The following RBFOX1 variants were observed in gnomAD, a reference collection of about 807,000 sequenced individuals.
RBFOX1 encodes the protein RNA binding protein fox-1 homolog 1.
A neutral mutation model predicts 57.7 loss-of-function variants in RBFOX1; 8 were observed. The observed-to-expected ratio is 0.14, with a 90% CI of 0.08 to 0.25. The LOEUF (loss-of-function observed/expected upper bound fraction) is 0.25. Among genes scored for constraint, RBFOX1 ranks in the 10% least tolerant of loss-of-function variants. The pLI is 1.00. For missense variants in RBFOX1, 611 were observed against 548.5 expected (o/e 1.11, Z -1.14); for synonymous variants, 326 against 222.4 (o/e 1.47, Z -4.15).
At position 7,348,690 on chromosome 16, in the gene RBFOX1, C is replaced by CT. The variant is rs1439239958; in HGVS notation, c.28-169457_28-169456insT. Among the ~76,000 whole-genome samples the CT allele has an allele frequency of 2.0e-5, 3 of 152,292 alleles. No individual in the cohort carries two copies. The East Asian group carries it at 5.8e-4, about 29-fold the overall frequency. On this transcript the variant is annotated intron_variant, in intron 4 of 15. Coordinates refer to ENST00000550418, the MANE Select transcript of RBFOX1 (RefSeq NM_018723.4). Reference sequence around the variant, plus strand: ...GTTGCCGTGGCTCACGCCTAGAATCCCAGCACTTTGGGAGGCTGAGGATGG... The same window carrying CT: ...GTTGCCGTGGCTCACGCCTAGAATCCTCAGCACTTTGGGAGGCTGAGGATGG...
chr16:5,761,641 T>C (rs1412357381), intron 3 of RBFOX1, among the ~76,000 whole-genome samples: 1 of 152,062 alleles, frequency 6.6e-6, no homozygotes, highest in Non-Finnish European at 1.5e-5. Context: ...AACATGAGGG[T>C]AACTGCCCCC....
intron 3 of RBFOX1, among the ~76,000 whole-genome samples, chr16:6,887,809 C>T (rs561362791): frequency 1.6e-4 from 24 of 152,090 alleles, no homozygotes; most frequent in Middle Eastern, 3.4e-3. Context: ...TTTACAGGCA[C>T]TCGTCACCAC....
Position 5,902,065 on chromosome 16 carries a change from C to T in RBFOX1, c.351+34730C>T, listed in dbSNP as rs187587432. On this transcript the variant is annotated intron_variant, in intron 4 of 19. Transcript: ENST00000641259. Reference sequence around the variant, plus strand: ...CGTGGATGGGGTTCAATGCATGTTTCTTGAATGAATTAATCATATTCCCTC... The same window carrying T: ...CGTGGATGGGGTTCAATGCATGTTTTTTGAATGAATTAATCATATTCCCTC... Among the ~76,000 whole-genome samples, 905 of 152,302 alleles carry T rather than the reference C, an allele frequency of 5.9e-3. 12 individuals are homozygous for T. The highest frequency in any genetic ancestry group is 0.021 in the African/African-American group (868 of 41,560).
At chr16:6,570,381 C>G (rs2097328436) in intron 2 of RBFOX1, among the ~76,000 whole-genome samples, 1 of 151,958 alleles carries the variant, frequency 6.6e-6, no homozygotes, top group Admixed American at 6.6e-5. Context: ...TAAGTAAAAT[C>G]GAGAATTTTT....
At chr16:5,591,031 T>C (rs947154954) in intron 2 of RBFOX1, among the ~76,000 whole-genome samples, 32 of 152,076 alleles carry the variant, frequency 2.1e-4, no homozygotes, top group African/African-American at 5.5e-4. Flanking sequence ...TTTTTTTTTT[T>C]CGGAAAATGG....
intron 5 of RBFOX1, among the ~76,000 whole-genome samples, chr16:7,523,615 G>A (rs532218394): frequency 2.2e-4 from 34 of 152,296 alleles, no homozygotes; most frequent in African/African-American, 7.9e-4. Context: ...TTAGAGGTAG[G>A]ATTTTAAAGG....
intron 4 of RBFOX1, among the ~76,000 whole-genome samples, chr16:7,122,386 T>C (rs1025275497): frequency 6.6e-6 from 1 of 152,076 alleles, no homozygotes; most frequent in Non-Finnish European, 1.5e-5. Flanking sequence ...TCCTTTCTTA[T>C]TGGGTCCTGA....
chr16:6,980,792 C>G (rs544317548), intron 3 of RBFOX1, among the ~76,000 whole-genome samples: 1 of 152,196 alleles, frequency 6.6e-6, no homozygotes, highest in Non-Finnish European at 1.5e-5. Context: ...CCTGTAATCC[C>G]AGCACTTTGG....
intron 4 of RBFOX1, among the ~76,000 whole-genome samples, chr16:7,363,392 C>T (rs12927837): frequency 0.14 from 21,374 of 152,086 alleles, 2,025 homozygotes; most frequent in African/African-American, 0.27. Flanking sequence ...AATTGCATTA[C>T]CTTGCCATGA....
At chr16:6,979,935 T>G (rs148875920) in intron 3 of RBFOX1, among the ~76,000 whole-genome samples, 59 of 152,272 alleles carry the variant, frequency 3.9e-4, no homozygotes, top group African/African-American at 1.3e-3. Flanking sequence ...TGCCAGTTTC[T>G]GAGAGGTCTC....
At chr16:6,751,967 C>G (rs1267155751) in intron 3 of RBFOX1, among the ~76,000 whole-genome samples, 1 of 152,088 alleles carries the variant, frequency 6.6e-6, no homozygotes, top group East Asian at 1.9e-4. Context: ...ATTTTATGTC[C>G]TTGCCCTCAA....
intron 14 of RBFOX1, among the ~76,000 whole-genome samples, chr16:7,689,006 A>G (rs963591186): frequency 2.0e-5 from 3 of 152,098 alleles, no homozygotes; most frequent in Admixed American, 6.6e-5. Flanking sequence ...AACTGTGTTC[A>G]GGTTTCACCT....
intron 2 of RBFOX1, among the ~76,000 whole-genome samples, chr16:6,441,395 G>GT (rs915651175): frequency 8.6e-5 from 13 of 151,882 alleles, no homozygotes; most frequent in South Asian, 2.1e-4. Flanking sequence ...TTATTTTCTT[G>GT]TTTTTTTGTT....
chr16:5,277,867 G>T (rs112904707), intron 1 of RBFOX1, among the ~76,000 whole-genome samples: 3 of 151,998 alleles, frequency 2.0e-5, no homozygotes, highest in Non-Finnish European at 4.4e-5. Context: ...TCTATTGTGC[G>T]TATATTCCCA....
chr16:5,248,901 T>C (rs2062372229), intron 1 of RBFOX1, among the ~76,000 whole-genome samples: 1 of 146,730 alleles, frequency 6.8e-6, no homozygotes, highest in African/African-American at 2.5e-5. Flanking sequence ...GCCACGTGAA[T>C]TGCTTGAACC....
chr16:6,721,024 T>C (rs2065884979), intron 3 of RBFOX1, among the ~76,000 whole-genome samples: 1 of 152,210 alleles, frequency 6.6e-6, no homozygotes, highest in Non-Finnish European at 1.5e-5. Context: ...GCAGCTTTTA[T>C]GCTGGTGGTC....
chr16:7,390,821 C>A (rs186311076), intron 4 of RBFOX1, among the ~76,000 whole-genome samples: 86 of 152,140 alleles, frequency 5.7e-4, no homozygotes, highest in Non-Finnish European at 1.1e-3. Flanking sequence ...TAAGGGAGGA[C>A]AGATTCCAAC....
chr16:6,936,867 T>G (rs2077452285), intron 3 of RBFOX1, among the ~76,000 whole-genome samples: 1 of 148,180 alleles, frequency 6.7e-6, no homozygotes, highest in Non-Finnish European at 1.5e-5. Context: ...AGCTGCTCTC[T>G]GAAATTTTTA....
intron 1 of RBFOX1, among the ~76,000 whole-genome samples, chr16:6,131,106 T>C (rs544290383): frequency 1.3e-5 from 2 of 152,092 alleles, no homozygotes; most frequent in Non-Finnish European, 2.9e-5. Flanking sequence ...AAAAACAAAT[T>C]TATGGTGAGA....
Sources: gnomAD v4.1 joint callset for allele counts (sites outside exome capture counted in the v4.1 genomes callset) on GRCh38, gnomAD v4.1.1 for gene constraint, MANE v1.5 for transcripts, NCBI Gene and HGNC (gene_info 2026-07-23, HGNC 2026-07-21) for gene names.